Variants in OTUD7A observed in about 807,000 individuals in gnomAD.
OTUD7A encodes OTU domain-containing protein 7A.
A neutral mutation model predicts 65.7 loss-of-function variants in OTUD7A; 12 were observed. The observed-to-expected ratio is 0.18, with a 90% confidence interval of 0.12 to 0.30. The LOEUF (loss-of-function observed/expected upper bound fraction) is 0.30, where lower values mean the gene tolerates loss of function less well. Ranked by LOEUF, OTUD7A falls within the 10% of genes least tolerant of loss-of-function variation. The pLI is 1.00. For synonymous variants in OTUD7A, 641 were observed against 586.3 expected (o/e 1.09, Z -1.35); for missense variants, 1,148 against 1,304.8 (o/e 0.88, Z 1.85).
chr15:31,518,013 ATGG>A (rs1233430770), intron 8 of OTUD7A, among the ~76,000 whole-genome samples: 3 of 152,018 alleles, frequency 2.0e-5, no homozygotes, highest in African/African-American at 4.8e-5. Flanking sequence ...CCTCCTCCAG[ATGG>A]GGTGTCCACA....
intron 5 of OTUD7A, among the ~76,000 whole-genome samples, chr15:31,553,668 T>A (rs957275858): frequency 6.6e-6 from 1 of 151,668 alleles, no homozygotes; most frequent in African/African-American, 2.4e-5. Context: ...GCTGGACTCT[T>A]CCCTGCCTGC....
At chr15:31,532,839 C>T (rs58461149) in intron 5 of OTUD7A, among the ~76,000 whole-genome samples, 2 of 149,056 alleles carry the variant, frequency 1.3e-5, no homozygotes, top group African/African-American at 4.9e-5. Context: ...GGGGCTGAGG[C>T]AGGAGAATGG....
At chr15:31,532,233 A>C (rs1887647045) in intron 5 of OTUD7A, among the ~76,000 whole-genome samples, 1 of 152,238 alleles carries the variant, frequency 6.6e-6, no homozygotes, top group Admixed American at 6.5e-5. Context: ...TGGGATTTAA[A>C]AGTAGTCATC....
chr15:31,501,874 C>G (rs1055984526), intron 9 of OTUD7A, 35 bp from the exon 10 acceptor site: 1 of 1,576,638 alleles, frequency 6.3e-7, no homozygotes, highest in South Asian at 1.2e-5. Flanking sequence ...GTGTGAGGAG[C>G]AGCCAGCTCG....
chr15:31,756,667 C>T (rs924632545), intron 1 of OTUD7A, among the ~76,000 whole-genome samples: 1 of 111,488 alleles, frequency 9.0e-6, no homozygotes, highest in South Asian at 3.5e-4. Flanking sequence ...CACACACACA[C>T]ACACACACAC....
In OTUD7A at chr15:31,734,145, C is replaced by T. The variant is rs140461584; in HGVS notation, c.-99-77068G>A. ...CAAGAGCTAAATCAGGAATGTACTC[C>T]CATTCACAACTGTCACAAAAAGAAT... On this transcript the variant is annotated intron_variant, in intron 1 of 12. Coordinates refer to ENST00000307050, the MANE Select transcript of OTUD7A (RefSeq NM_001382637.1). Among the ~76,000 whole-genome samples the T allele has an allele frequency of 7.2e-4, 109 of 152,172 alleles. 3 individuals carry two copies. In the East Asian group the frequency reaches 0.013, roughly 19 times the overall value.
intron 3 of OTUD7A, among the ~76,000 whole-genome samples, chr15:31,604,996 G>A (rs554471256): frequency 1.3e-5 from 2 of 152,360 alleles, no homozygotes; most frequent in South Asian, 2.1e-4. Flanking sequence ...GGCACAGGGC[G>A]GAACAAAGGC....
At position 31,636,129 on chromosome 15, in the gene OTUD7A, T is replaced by C. The variant is rs201051268; in HGVS notation, c.151+18967A>G. On this transcript the variant is annotated intron_variant, in intron 3 of 12. Transcript: ENST00000307050. Reference sequence around the variant, plus strand: ...CACACCTCATTTTACTGTGCTTTACTGTATTGCCCTTTGAAGATACTGCAT... The same window carrying C: ...CACACCTCATTTTACTGTGCTTTACCGTATTGCCCTTTGAAGATACTGCAT... Among the ~76,000 whole-genome samples, 23 of 152,346 alleles carry C rather than the reference T, an allele frequency of 1.5e-4. No homozygotes were observed. The East Asian group carries it at 3.9e-3, about 26-fold the overall frequency.
rs546131914 is a variant in OTUD7A, at chr15:31,619,811, A to C, written c.151+35285T>G. Among the ~76,000 whole-genome samples the C allele has an allele frequency of 2.0e-5, 3 of 152,342 alleles. No individual in the cohort carries two copies. The South Asian group carries it at 6.2e-4, about 32-fold the overall frequency. ...CAGAACTTCCAACACTATGTTGAAT[A>C]GGAATGGTGAGAGAGGGCATCCCTG... On this transcript the variant is annotated intron_variant, in intron 3 of 12. Coordinates refer to ENST00000307050, the MANE Select transcript of OTUD7A (RefSeq NM_001382637.1).
intron 1 of OTUD7A, among the ~76,000 whole-genome samples, chr15:31,791,551 C>T (rs1048976149): frequency 3.3e-5 from 5 of 152,152 alleles, no homozygotes; most frequent in African/African-American, 1.2e-4. Context: ...TAAAGGGACG[C>T]ATGCGACACA....
intron 1 of OTUD7A, among the ~76,000 whole-genome samples, chr15:31,837,155 A>T (rs1897073499): frequency 6.6e-6 from 1 of 152,200 alleles, no homozygotes. Flanking sequence ...CAACATAAAC[A>T]TACAAAATAA....
intron 4 of OTUD7A, among the ~76,000 whole-genome samples, chr15:31,569,644 C>T (rs530669642): frequency 2.0e-5 from 3 of 152,266 alleles, no homozygotes; most frequent in Admixed American, 6.5e-5. Context: ...GAAGATGGAG[C>T]GCATGGGACA....
chr15:31,825,525 A>G (rs1896777542), intron 1 of OTUD7A, among the ~76,000 whole-genome samples: 1 of 152,236 alleles, frequency 6.6e-6, no homozygotes, highest in African/African-American at 2.4e-5. Flanking sequence ...CTGGGAGTAC[A>G]ATTCAAGATG....
intron 5 of OTUD7A, chr15:31,557,440 T>C (rs1888533832): frequency 6.6e-6 from 1 of 152,210 alleles, no homozygotes; most frequent in African/African-American, 2.4e-5. Context: ...ATCAGTGAGC[T>C]CCCCGCAATC....
chr15:31,637,782 A>G (rs1353122429), intron 3 of OTUD7A, among the ~76,000 whole-genome samples: 2 of 152,178 alleles, frequency 1.3e-5, no homozygotes, highest in Non-Finnish European at 2.9e-5. Flanking sequence ...ACTTCAGTGG[A>G]AGAATTAACT....
intron 1 of OTUD7A, among the ~76,000 whole-genome samples, chr15:31,695,684 C>CG (rs1893063175): frequency 6.6e-6 from 1 of 152,236 alleles, no homozygotes. Flanking sequence ...GACCGACACC[C>CG]GCAGCTCAGC....
intron 3 of OTUD7A, among the ~76,000 whole-genome samples, chr15:31,590,793 A>C (rs1490248740): frequency 6.6e-6 from 1 of 152,216 alleles, no homozygotes; most frequent in Non-Finnish European, 1.5e-5. Flanking sequence ...AAATAGCTAA[A>C]CTGAACAGCC....
chr15:31,786,694 C>T (rs1895683100), intron 1 of OTUD7A, among the ~76,000 whole-genome samples: 1 of 152,082 alleles, frequency 6.6e-6, no homozygotes, highest in Non-Finnish European at 1.5e-5. Flanking sequence ...GTAGTGAGTC[C>T]TAGAATGGAG....
At chr15:31,585,597 T>C (rs574115565) in intron 3 of OTUD7A, among the ~76,000 whole-genome samples, 80 of 152,306 alleles carry the variant, frequency 5.3e-4, no homozygotes, top group Non-Finnish European at 1.0e-3. Flanking sequence ...TGTTTCTATC[T>C]GCGGCTTCCC....
Sources: gnomAD v4.1 joint callset for allele counts (sites outside exome capture counted in the v4.1 genomes callset) on GRCh38, gnomAD v4.1.1 for gene constraint, MANE v1.5 for transcripts, NCBI Gene and HGNC (gene_info 2026-07-23, HGNC 2026-07-21) for gene names.